INVS: variants seen among roughly 807,000 people sequenced by gnomAD.
INVS encodes the protein inversin, also known as inversion of embryo turning homolog.
In INVS, 86 loss-of-function variants were observed where a neutral mutation model predicts 108.8. That is an observed-to-expected ratio of 0.79 (90% CI 0.66 to 0.95). The LOEUF (loss-of-function observed/expected upper bound fraction) is 0.95. Among genes scored for constraint, INVS ranks in the 40% least tolerant of loss-of-function variants. The probability of loss-of-function intolerance (pLI) is 0.00; values close to 1 mark genes in which losing one functional copy is unlikely to be tolerated. For synonymous variants in INVS, 455 were observed against 473.5 expected (o/e 0.96, Z 0.51); for missense variants, 1,169 against 1,297.4 (o/e 0.90, Z 1.52).
chr9:100,195,634 C>T (rs151221102), intron 3 of INVS, among the ~76,000 whole-genome samples: 26 of 152,188 alleles, frequency 1.7e-4, no homozygotes, highest in South Asian at 8.3e-4. Context: ...ACTACAGCTC[C>T]GCACCACCAC....
chr9:100,150,876 G>A (rs1040990067), intron 3 of INVS, among the ~76,000 whole-genome samples: 13 of 152,162 alleles, frequency 8.5e-5, no homozygotes, highest in Non-Finnish European at 4.4e-5. Context: ...ATTTACAAAT[G>A]TGACAACAGA....
At chr9:100,234,270 T>C (rs1363078568) in intron 5 of INVS, among the ~76,000 whole-genome samples, 1 of 152,204 alleles carries the variant, frequency 6.6e-6, no homozygotes, top group Admixed American at 6.6e-5. Context: ...TCTTCTTTAT[T>C]AGTCTGGCTA....
At chr9:100,264,606 G>A (rs1260326741) in intron 10 of INVS, among the ~76,000 whole-genome samples, 12 of 134,402 alleles carry the variant, frequency 8.9e-5, no homozygotes, top group Admixed American at 1.5e-4. Context: ...CGACGAGAGC[G>A]AAACTCCGTC....
At chr9:100,102,103 T>A (rs1827013876) in intron 1 of INVS, 1 of 119,456 alleles carries the variant, frequency 8.4e-6, no homozygotes, top group African/African-American at 3.4e-5. Context: ...TATTTTATTT[T>A]ATTTTTTTTG....
intron 3 of INVS, among the ~76,000 whole-genome samples, chr9:100,166,602 A>G (rs1471319093): frequency 2.0e-5 from 3 of 152,352 alleles, no homozygotes; most frequent in Non-Finnish European, 2.9e-5. Context: ...ATTCAATTCA[A>G]CTAACACACA....
At chr9:100,188,273 T>A (rs1238915033) in intron 3 of INVS, among the ~76,000 whole-genome samples, 1 of 152,224 alleles carries the variant, frequency 6.6e-6, no homozygotes, top group Non-Finnish European at 1.5e-5. Context: ...CAGGGAATGC[T>A]TTCTAATTTT....
chr9:100,169,684 C>T (rs1043162027), intron 3 of INVS, among the ~76,000 whole-genome samples: 2 of 152,126 alleles, frequency 1.3e-5, no homozygotes, highest in African/African-American at 4.8e-5. Context: ...TAAGCATCCT[C>T]TATACAGTAT....
At chr9:100,299,856 C>A (rs1170736999) in intron 16 of INVS, among the ~76,000 whole-genome samples, 1 of 152,050 alleles carries the variant, frequency 6.6e-6, no homozygotes. Flanking sequence ...GTGAAGACAG[C>A]CAAAAACAAT....
rs1554718618 is a variant in INVS at position 100,161,388 on chromosome 9, A to ACAAAAAAAAAAC, written c.273+34839_273+34840insCAAAAAAAAAAC. Reference sequence around the variant, plus strand: ...TCAAAAAAAAAAAAAAAAAAAAAAAAAAAACCTCATAAATTGAGTGTTGTG... The same window carrying ACAAAAAAAAAAC: ...TCAAAAAAAAAAAAAAAAAAAAAAAACAAAAAAAAAACAAAACCTCATAAATTGAGTGTTGTG... On this transcript the variant is annotated intron_variant, in intron 3 of 16. Coordinates refer to ENST00000262457, the MANE Select transcript of INVS (RefSeq NM_014425.5). Among the ~76,000 whole-genome samples the ACAAAAAAAAAAC allele has an allele frequency of 9.4e-3, 1,306 of 139,084 alleles. 75 individuals are homozygous for ACAAAAAAAAAAC. The highest frequency in any genetic ancestry group is 0.036 in the African/African-American group (1,238 of 34,064). The allele number at this position is 139,084 out of a possible 152,430, so 91.2% of individuals were successfully genotyped here. A position where few individuals can be genotyped will look rare whatever the true frequency, so the allele number is the denominator to read the frequency against.
At chr9:100,132,965 C>T (rs1244005826) in intron 3 of INVS, among the ~76,000 whole-genome samples, 3 of 151,914 alleles carry the variant, frequency 2.0e-5, no homozygotes, top group Non-Finnish European at 4.4e-5. Flanking sequence ...CTTAGCTGGG[C>T]GTGATGGTGC....
In INVS at chr9:100,229,658, A is replaced by G; in HGVS notation, c.448-2A>G. 6.2e-7 allele frequency: 1 copy of G among 1,613,918 alleles called. No homozygotes were observed. The highest frequency in any genetic ancestry group is 8.5e-7 in the Non-Finnish European group (1 of 1,179,846). The stretch of plus-strand genomic sequence containing the variant: ...TATTTCGAGAACCTCTCGATTTTGC[A>G]GCAAACAGCTCTGCATTGGAGTGCC... On this transcript the variant is annotated splice_acceptor_variant, in intron 4 of 16. Transcript: ENST00000262457. LOFTEE classifies it high-confidence loss of function.
At chr9:100,125,119 A>C (rs575114757) in intron 2 of INVS, among the ~76,000 whole-genome samples, 167 of 152,284 alleles carry the variant, frequency 1.1e-3, no homozygotes, top group Non-Finnish European at 1.8e-3. Flanking sequence ...TTTTTGTACC[A>C]ATTTAAAGAA....
At chr9:100,239,545 A>T (rs1335480679) in intron 5 of INVS, among the ~76,000 whole-genome samples, 1 of 152,216 alleles carries the variant, frequency 6.6e-6, no homozygotes, top group Non-Finnish European at 1.5e-5. Context: ...TGTAATGGTT[A>T]TATTATTTTC....
rs774433617 is a variant in INVS, at chr9:100,240,085, T to G, written c.641T>G (p.Leu214Arg). 4 of 1,614,070 alleles carry G rather than the reference T, an allele frequency of 2.5e-6. No homozygotes were observed. The highest frequency in any genetic ancestry group is 3.4e-6 in the Non-Finnish European group (4 of 1,180,014). Reference protein sequence around the residue: ...ILDAAPTESLLNWQDYEGRTP... With the variant: ...ILDAAPTESLRNWQDYEGRTP... The stretch of plus-strand genomic sequence containing the variant: ...GATGCTGCTCCAACAGAGTCTTTAC[T>G]GAACTGGCAAGACTACGAGGGTCGA... Residue 214 changes from leucine (L) to arginine (R), a missense_variant, in exon 6 of 17, where the codon CTG becomes CGG. Physicochemically the swap from Leu to Arg is moderately radical, Grantham distance 102 (BLOSUM62 -2). Around this residue, in one of 3 missense-constraint regions of INVS, gnomAD observed 365 missense variants for 397.5 expected, o/e 0.92. Transcript: ENST00000262457.
chr9:100,158,799 G>A (rs1267220324), intron 3 of INVS, among the ~76,000 whole-genome samples: 1 of 152,202 alleles, frequency 6.6e-6, no homozygotes, highest in Non-Finnish European at 1.5e-5. Flanking sequence ...GGGCCTAATG[G>A]GAGGTGTTTG....
intron 12 of INVS, among the ~76,000 whole-genome samples, chr9:100,278,231 CAAAAAA>C (rs750217205): frequency 9.6e-5 from 8 of 83,128 alleles, no homozygotes; most frequent in African/African-American, 2.4e-4. Flanking sequence ...GACCCTGTCT[CAAAAAA>C]AAAAAAAAAA....
At chr9:100,142,046 T>C in intron 3 of INVS, among the ~76,000 whole-genome samples, 1 of 152,174 alleles carries the variant, frequency 6.6e-6, no homozygotes, top group East Asian at 1.9e-4. Context: ...GCTAGCTGCT[T>C]GTCTAGCCAC....
chr9:100,115,278 C>G (rs1237627500), intron 2 of INVS, among the ~76,000 whole-genome samples: 2 of 149,460 alleles, frequency 1.3e-5, no homozygotes, highest in African/African-American at 5.0e-5. Flanking sequence ...TTTAATTTCT[C>G]TTTTTTTATT....
chr9:100,142,049 C>T (rs1268055682), intron 3 of INVS, among the ~76,000 whole-genome samples: 1 of 152,182 alleles, frequency 6.6e-6, no homozygotes. Context: ...AGCTGCTTGT[C>T]TAGCCACCTA....
Sources: allele counts gnomAD v4.1 joint callset (sites outside exome capture counted in the v4.1 genomes callset), GRCh38; gene constraint gnomAD v4.1.1; regional missense constraint gnomAD v4.1.1; transcripts MANE v1.5; gene names NCBI Gene and HGNC (gene_info 2026-07-23, HGNC 2026-07-21).